CDK15: variants seen among roughly 807,000 people sequenced by gnomAD.
CDK15 encodes the protein cyclin-dependent kinase 15.
Under a neutral mutation model 60.3 loss-of-function variants are expected in CDK15, and 62 were observed. The observed-to-expected ratio is 1.03, with a 90% CI of 0.84 to 1.27. The LOEUF is 1.27. CDK15 is among the 50% of genes most tolerant of loss of function. The pLI, the probability that CDK15 is intolerant of heterozygous loss-of-function variation, is 0.00. For synonymous variants in CDK15, 194 were observed against 195.7 expected (o/e 0.99, Z 0.07); for missense variants, 541 against 527.8 (o/e 1.03, Z -0.25).
chr2:201,857,297 A>T (rs531908556), intron 10 of CDK15, among the ~76,000 whole-genome samples: 9 of 146,268 alleles, frequency 6.2e-5, no homozygotes, highest in Admixed American at 2.1e-4. Flanking sequence ...ATTTTAAAAA[A>T]TTTTCTGTTG....
At chr2:201,819,742 G>A (rs1344208827) in intron 4 of CDK15, among the ~76,000 whole-genome samples, 1 of 152,138 alleles carries the variant, frequency 6.6e-6, no homozygotes, top group Non-Finnish European at 1.5e-5. Flanking sequence ...AAGTTGAGAG[G>A]ACTTGACGTG....
chr2:201,847,344 T>C, intron 8 of CDK15, 37 bp from the exon 9 acceptor site: 1 of 1,576,990 alleles, frequency 6.3e-7, no homozygotes, highest in Non-Finnish European at 8.7e-7. Flanking sequence ...GTATGATTTC[T>C]TTCAAAGTGT....
At chr2:201,893,081 T>C (rs1298553752) in intron 13 of CDK15, among the ~76,000 whole-genome samples, 1 of 152,246 alleles carries the variant, frequency 6.6e-6, no homozygotes, top group Admixed American at 6.5e-5. Flanking sequence ...GTTACAATGA[T>C]AGCTTATAGA....
intron 10 of CDK15, chr2:201,861,571 T>TTTTTTC (rs1698399352): frequency 1.0e-6 from 1 of 956,314 alleles, no homozygotes; most frequent in African/African-American, 1.8e-5. Flanking sequence ...TTTTCTTTTT[T>TTTTTTC]TTTTTTTTTA....
intron 9 of CDK15, among the ~76,000 whole-genome samples, chr2:201,851,093 A>T (rs188695274): frequency 1.2e-3 from 178 of 152,112 alleles, no homozygotes; most frequent in African/African-American, 4.0e-3. Flanking sequence ...GGAGTTCAAG[A>T]CCAGCCTGGT....
chr2:201,821,366 G>A (rs1696212174), intron 4 of CDK15, among the ~76,000 whole-genome samples: 1 of 152,140 alleles, frequency 6.6e-6, no homozygotes, highest in Admixed American at 6.5e-5. Flanking sequence ...GAAGACGGTT[G>A]TTTTTCCAGG....
chr2:201,825,625 A>G (rs1054694643), intron 6 of CDK15, among the ~76,000 whole-genome samples: 2 of 152,232 alleles, frequency 1.3e-5, no homozygotes, highest in African/African-American at 4.8e-5. Context: ...AGACCATTAC[A>G]TTATCTGCAC....
intron 8 of CDK15, among the ~76,000 whole-genome samples, chr2:201,841,507 T>C (rs1263080407): frequency 1.3e-5 from 2 of 152,200 alleles, no homozygotes; most frequent in African/African-American, 2.4e-5. Context: ...TTTTTTCTTT[T>C]TCTTTTCAGA....
Position 201,880,781 on chromosome 2 carries a change from G to C in CDK15, c.1198+614G>C, listed in dbSNP as rs539412417. Reference sequence around the variant, plus strand: ...AATCTGCTGAGGGATCATGTGGTTGGAACTCCCGTCATGTTTCTTGGACTG... The same window carrying C: ...AATCTGCTGAGGGATCATGTGGTTGCAACTCCCGTCATGTTTCTTGGACTG... On this transcript the variant is annotated intron_variant, in intron 12 of 13. Coordinates refer to ENST00000652192, the MANE Select transcript of CDK15 (RefSeq NM_001366386.2). Among the ~76,000 whole-genome samples, 130 of 152,240 alleles carry C rather than the reference G, an allele frequency of 8.5e-4. 1 individual carries two copies. The highest frequency in any genetic ancestry group is 3.0e-3 in the African/African-American group (124 of 41,540).
intron 4 of CDK15, among the ~76,000 whole-genome samples, chr2:201,814,678 C>T (rs1027404003): frequency 2.1e-4 from 32 of 152,088 alleles, no homozygotes; most frequent in African/African-American, 6.3e-4. Flanking sequence ...AAAAGGCAAC[C>T]GAAAGGCACG....
rs193122808 is a variant in CDK15, at chr2:201,850,115, G to A, written c.945+2641G>A. Reference sequence around the variant, plus strand: ...TGGGATTACAGGCGTGAGCCACCGCGCCCAGCCTCATAAACTGATTTTTAA... The same window carrying A: ...TGGGATTACAGGCGTGAGCCACCGCACCCAGCCTCATAAACTGATTTTTAA... On this transcript the variant is annotated intron_variant, in intron 9 of 13. Transcript: ENST00000652192. Among the ~76,000 whole-genome samples the A allele has an allele frequency of 5.1e-3, 773 of 152,226 alleles. 3 individuals carry two copies. Among genetic ancestry groups the A allele is most frequent in the Admixed American group, 8.4e-3 (128 of 15,288 alleles).
intron 4 of CDK15, among the ~76,000 whole-genome samples, chr2:201,822,207 G>A (rs192089302): frequency 2.6e-4 from 40 of 152,282 alleles, no homozygotes; most frequent in African/African-American, 9.6e-4. Context: ...AAGTTTGGCC[G>A]ACTCCTCTTT....
chr2:201,861,042 G>A lies in CDK15; in HGVS notation c.1009+6105G>A. ...TTGGTTGTATGAGCTATTAGCCAAG[G>A]GAGTTATTCAGTGGGTTGAACTAAG... On this transcript the variant is annotated intron_variant, in intron 10 of 13. Transcript: ENST00000652192. 5.3e-6 allele frequency: 6 copies of A among 1,136,888 alleles called. No homozygotes were observed. In the South Asian group the frequency reaches 1.2e-4, roughly 23 times the overall value. The allele number at this position is 1,136,888 out of a possible 1,614,324, so 70.4% of individuals were successfully genotyped here.
intron 2 of CDK15, 102 bp from the exon 3 acceptor site, chr2:201,807,756 A>T: frequency 6.5e-7 from 1 of 1,546,872 alleles, no homozygotes; most frequent in Non-Finnish European, 8.8e-7. Flanking sequence ...CTGCTCTGGC[A>T]ATGCTGTCTA....
chr2:201,890,725 T>C, intron 12 of CDK15, 60 bp from the exon 13 acceptor site: 49 of 1,352,742 alleles, frequency 3.6e-5, no homozygotes, highest in Non-Finnish European at 4.9e-5. Flanking sequence ...CAGACAAAAA[T>C]ATACCACAGA....
intron 2 of CDK15, 53 bp downstream of exon 2, chr2:201,807,696 G>C: frequency 1.2e-6 from 2 of 1,606,582 alleles, no homozygotes; most frequent in African/African-American, 1.3e-5. Context: ...GCTTGTCTAC[G>C]GAGGCCGGCC....
In CDK15 at chr2:201,890,847, T is replaced by G. The variant is rs750991365; in HGVS notation, c.1261T>G (p.Ser421Ala). ...GCCAGAAATGTGTGACCTTTTGGCCTCCTACCAGAAAGGTCACCACCCAGC... is the reference window on the plus strand; with the variant it reads ...GCCAGAAATGTGTGACCTTTTGGCCGCCTACCAGAAAGGTCACCACCCAGC... The part of the protein sequence containing the change: ...LKPEMCDLLA[S>A]YQKGHHPAQF... Residue 421 changes from serine to alanine, a missense_variant, in exon 13 of 14, where the codon TCC becomes GCC. By Grantham distance (99) the Ser-to-Ala change is moderately conservative. Transcript: ENST00000652192. 6.2e-7 allele frequency: 1 copy of G among 1,613,812 alleles called. No homozygotes were observed. The highest frequency in any genetic ancestry group is 1.7e-5 in the Admixed American group (1 of 60,012).
chr2:201,859,869 A>T (rs1698311099), intron 10 of CDK15, among the ~76,000 whole-genome samples: 3 of 152,242 alleles, frequency 2.0e-5, no homozygotes. Flanking sequence ...TCAGTTTGCT[A>T]CAGAATCATG....
In CDK15 at chr2:201,895,430, G is replaced by A. The variant is rs956452819; in HGVS notation, c.*2163G>A. ...ATACCTTATGCATATGATTATGCTTGTGCTTCCTTCTTTAATGGATTTACC... is the reference window on the plus strand; with the variant it reads ...ATACCTTATGCATATGATTATGCTTATGCTTCCTTCTTTAATGGATTTACC... On this transcript the variant is annotated 3_prime_UTR_variant, in exon 14 of 14. Coordinates refer to ENST00000652192, the MANE Select transcript of CDK15 (RefSeq NM_001366386.2). The A allele has an allele frequency of 6.6e-6, 1 of 152,182 alleles. No individual in the cohort carries two copies. The highest frequency in any genetic ancestry group is 2.4e-5 in the African/African-American group (1 of 41,428). 9.4% of individuals were successfully genotyped at this position (152,182 alleles called of 1,614,324 possible). A position where few individuals can be genotyped will look rare whatever the true frequency, so the allele number is the denominator to read the frequency against.
Sources: allele counts gnomAD v4.1 joint callset (sites outside exome capture counted in the v4.1 genomes callset), GRCh38; gene constraint gnomAD v4.1.1; transcripts MANE v1.5; gene names NCBI Gene and HGNC (gene_info 2026-07-23, HGNC 2026-07-21).